Variants in ANKRD30BL observed in about 807,000 individuals in gnomAD.
ANKRD30BL encodes putative ankyrin repeat domain-containing protein 30B-like.
In ANKRD30BL, 20 loss-of-function variants were observed where a neutral mutation model predicts 18.4. The ratio of observed to expected loss-of-function variants is 1.09; its 90% CI spans 0.77 to 1.58. ANKRD30BL has a LOEUF of 1.58. Ranked by LOEUF, ANKRD30BL falls within the 40% of genes most tolerant of loss-of-function variation. ANKRD30BL has a pLI of 0.00. For missense variants in ANKRD30BL, 224 were observed against 268.6 expected (o/e 0.83, Z 1.16); for synonymous variants, 72 against 100.9 (o/e 0.71, Z 1.72).
intron 5 of ANKRD30BL, among the ~76,000 whole-genome samples, chr2:132,149,497 T>C (rs1687699974): frequency 6.6e-6 from 1 of 152,240 alleles, no homozygotes; most frequent in Non-Finnish European, 1.5e-5. Context: ...ATTGCTTTTC[T>C]GACTTCTGCA....
At chr2:132,159,696 T>C (rs1464847526) in intron 1 of ANKRD30BL, among the ~76,000 whole-genome samples, 1 of 152,218 alleles carries the variant, frequency 6.6e-6, no homozygotes, top group Non-Finnish European at 1.5e-5. Flanking sequence ...ACATGTGTAG[T>C]AAATATTTTA....
chr2:132,199,575 C>T (rs983659491), intron 1 of ANKRD30BL, among the ~76,000 whole-genome samples: 49 of 151,024 alleles, frequency 3.2e-4, no homozygotes, highest in Non-Finnish European at 4.6e-4. Flanking sequence ...GGCGGGATCT[C>T]GGCTCACTTC....
intron 1 of ANKRD30BL, among the ~76,000 whole-genome samples, chr2:132,185,895 C>T (rs1688552339): frequency 6.6e-6 from 1 of 152,162 alleles, no homozygotes; most frequent in South Asian, 2.1e-4. Context: ...AATCCCAGTA[C>T]TTTAGGAGGC....
chr2:132,226,283 A>G (rs966958773), intron 1 of ANKRD30BL, among the ~76,000 whole-genome samples: 13 of 150,558 alleles, frequency 8.6e-5, no homozygotes, highest in African/African-American at 3.0e-4. Context: ...GGTTTGACAC[A>G]CTCTTTTTGT....
intron 1 of ANKRD30BL, among the ~76,000 whole-genome samples, chr2:132,224,402 A>C (rs1679785119): frequency 6.6e-6 from 1 of 152,018 alleles, no homozygotes; most frequent in Non-Finnish European, 1.5e-5. Flanking sequence ...GAGCCTTTTG[A>C]AACACTCTTT....
intron 1 of ANKRD30BL, among the ~76,000 whole-genome samples, chr2:132,226,956 A>C (rs1679864652): frequency 6.6e-6 from 1 of 151,910 alleles, no homozygotes; most frequent in African/African-American, 2.4e-5. Flanking sequence ...TTGATAGAGC[A>C]GGTTTGAAAC....
At chr2:132,165,466 G>T (rs9989846), upstream of ANKRD30BL, among the ~76,000 whole-genome samples, 23,404 of 151,352 alleles carry the variant, frequency 0.15, 1,876 homozygotes, top group Middle Eastern at 0.28. Context: ...GGCCGAGGCG[G>T]TCGCATTGCC....
At chr2:132,185,428 G>C (rs1442650586) in intron 1 of ANKRD30BL, among the ~76,000 whole-genome samples, 2 of 151,976 alleles carry the variant, frequency 1.3e-5, no homozygotes, top group African/African-American at 2.4e-5. Context: ...TTCTCCCCCA[G>C]TATTTTTCTA....
At chr2:132,231,713 T>C (rs1281827983) in intron 1 of ANKRD30BL, among the ~76,000 whole-genome samples, 1 of 152,068 alleles carries the variant, frequency 6.6e-6, no homozygotes, top group Non-Finnish European at 1.5e-5. Context: ...CGCTGATTGC[T>C]AGCACAGCAG....
Position 132,157,414 on chromosome 2 carries a change from T to TAGAG in ANKRD30BL, c.224_227dup (p.Tyr77SerfsTer19), listed in dbSNP as rs1558913035. The TAGAG allele has an allele frequency of 4.2e-6, 3 of 719,770 alleles. No homozygotes were observed. The highest frequency in any genetic ancestry group is 7.7e-6 in the Non-Finnish European group (3 of 388,488). The allele number at this position is 719,770 out of a possible 1,614,324, so 44.6% of individuals were successfully genotyped here. A position where few individuals can be genotyped will look rare whatever the true frequency, so the allele number is the denominator to read the frequency against. ...CATGGCCATTGGCACAGGCCCAGTA[T>TAGAG]AGAGCAGTCCTACAAGAATGAGAGG... On this transcript the variant is annotated frameshift_variant, in exon 2 of 6. Transcript: ENST00000409867. LOFTEE classifies it high-confidence loss of function.
chr2:132,231,398 A>T (rs113900555), intron 1 of ANKRD30BL, among the ~76,000 whole-genome samples: 19 of 152,166 alleles, frequency 1.2e-4, no homozygotes, highest in African/African-American at 4.6e-4. Context: ...CGCAGAAGAC[A>T]GGTGATTTCT....
chr2:132,221,422 G>T (rs1490468158), intron 1 of ANKRD30BL, among the ~76,000 whole-genome samples: 1 of 135,038 alleles, frequency 7.4e-6, no homozygotes, highest in Non-Finnish European at 1.6e-5. Context: ...GGAGGTGGGG[G>T]GATCAGCCCC....
chr2:132,171,220 G>A (rs1688276343), intron 1 of ANKRD30BL, among the ~76,000 whole-genome samples: 1 of 151,876 alleles, frequency 6.6e-6, no homozygotes, highest in Non-Finnish European at 1.5e-5. Context: ...AGTTAGTTAT[G>A]GATTAGCACT....
intron 1 of ANKRD30BL, among the ~76,000 whole-genome samples, chr2:132,231,958 G>A (rs1472236212): frequency 8.5e-5 from 13 of 152,206 alleles, no homozygotes; most frequent in East Asian, 1.9e-4. Context: ...GAAGAGAGCA[G>A]TGGTTCTCCC....
chr2:132,199,855 A>T (rs1313747575), intron 1 of ANKRD30BL, among the ~76,000 whole-genome samples: 5 of 152,176 alleles, frequency 3.3e-5, no homozygotes, highest in Admixed American at 3.3e-4. Context: ...TAGAGACACA[A>T]CCAAAAAAGA....
chr2:132,252,952 G>C (rs545796637), intron 1 of ANKRD30BL, among the ~76,000 whole-genome samples: 5 of 151,898 alleles, frequency 3.3e-5, no homozygotes, highest in Admixed American at 6.6e-5. Context: ...CCTCACAGCC[G>C]GGAGCCCCCC....
At chr2:132,211,377 G>A (rs1414714701) in intron 1 of ANKRD30BL, among the ~76,000 whole-genome samples, 1 of 151,786 alleles carries the variant, frequency 6.6e-6, no homozygotes, top group African/African-American at 2.4e-5. Context: ...TGAGTCTTCT[G>A]GTGGAAAAGG....
intron 1 of ANKRD30BL, among the ~76,000 whole-genome samples, chr2:132,189,698 AT>A (rs1383437955): frequency 2.0e-5 from 3 of 152,110 alleles, no homozygotes; most frequent in African/African-American, 7.2e-5. Flanking sequence ...CTCTACTTAA[AT>A]AATTAGAAAT....
At chr2:132,169,558 A>T (rs1688241355) in intron 1 of ANKRD30BL, among the ~76,000 whole-genome samples, 1 of 151,574 alleles carries the variant, frequency 6.6e-6, no homozygotes, top group African/African-American at 2.4e-5. Context: ...GAGGCAGGAG[A>T]ATCACTTGAA....
Sources: allele counts gnomAD v4.1 joint callset (sites outside exome capture counted in the v4.1 genomes callset), GRCh38; gene constraint gnomAD v4.1.1; transcripts MANE v1.5; gene names NCBI Gene and HGNC (gene_info 2026-07-23, HGNC 2026-07-21).